Variants in KCNMA1 observed in about 807,000 individuals in gnomAD.
The protein encoded by KCNMA1 is potassium calcium-activated channel subfamily M alpha 1.
KCNMA1 carries 29 observed loss-of-function variants against 140.0 expected under a neutral mutation model. That is an observed-to-expected ratio of 0.21 (90% CI 0.15 to 0.28). KCNMA1 has a LOEUF of 0.28. Among genes scored for constraint, KCNMA1 ranks in the 10% least tolerant of loss-of-function variants. The pLI is 1.00. For synonymous variants in KCNMA1, 612 were observed against 611.9 expected (o/e 1.00, Z 0.00); for missense variants, 880 against 1,602.2 (o/e 0.55, Z 7.70).
intron 1 of KCNMA1, among the ~76,000 whole-genome samples, chr10:77,452,708 A>G (rs77312467): frequency 0.059 from 8,947 of 152,266 alleles, 307 homozygotes; most frequent in South Asian, 0.079. Flanking sequence ...ATACCCTTCT[A>G]AAAATGAGGC....
At chr10:76,969,303 A>AAGGAAGGAAGGG (rs1328600514) in intron 20 of KCNMA1, among the ~76,000 whole-genome samples, 15 of 147,788 alleles carry the variant, frequency 1.0e-4, no homozygotes, top group African/African-American at 3.7e-4. Context: ...GGAAGGAGGG[A>AAGGAAGGAAGGG]AGGAAGGAAG....
intron 1 of KCNMA1, among the ~76,000 whole-genome samples, chr10:77,595,694 C>G (rs1314150519): frequency 1.3e-5 from 2 of 152,174 alleles, no homozygotes; most frequent in Non-Finnish European, 2.9e-5. Flanking sequence ...GAGATGGACT[C>G]TCACTCTGTT....
chr10:76,972,700 T>C (rs2076402649), intron 19 of KCNMA1, among the ~76,000 whole-genome samples: 2 of 152,200 alleles, frequency 1.3e-5, no homozygotes, highest in Admixed American at 1.3e-4. Flanking sequence ...ATGAAACTTG[T>C]GTTTAAAGGT....
chr10:77,318,754 C>T (rs1412257589), intron 2 of KCNMA1, among the ~76,000 whole-genome samples: 2 of 152,106 alleles, frequency 1.3e-5, no homozygotes, highest in African/African-American at 4.8e-5. Flanking sequence ...TCACCAAGGG[C>T]CAAATGTCCC....
Position 77,240,755 on chromosome 10 carries a change from G to A in KCNMA1, c.602+10440C>T, listed in dbSNP as rs542804664. ...CAGCTGGACCTGGGAAGCCACTTCA[G>A]GTGAGGCTTCAGCTCTCATTGCAGT... On this transcript the variant is annotated intron_variant, in intron 3 of 27. Coordinates refer to ENST00000286628, the MANE Select transcript of KCNMA1 (RefSeq NM_001161352.2). Among the ~76,000 whole-genome samples the A allele has an allele frequency of 2.0e-5, 3 of 152,316 alleles. No individual in the cohort carries two copies. The South Asian group carries it at 6.2e-4, about 32-fold the overall frequency.
intron 5 of KCNMA1, among the ~76,000 whole-genome samples, chr10:77,178,926 G>A (rs1356510213): frequency 6.6e-6 from 1 of 152,196 alleles, no homozygotes; most frequent in Non-Finnish European, 1.5e-5. Flanking sequence ...ATAAGTTGGT[G>A]GGTGGGGACA....
At position 77,368,531 on chromosome 10, in the gene KCNMA1, T is replaced by C. The variant is rs202152212; in HGVS notation, c.540+35331A>G. Among the ~76,000 whole-genome samples, 4 of 152,348 alleles carry C rather than the reference T, an allele frequency of 2.6e-5. No homozygotes were observed. The East Asian group carries it at 5.8e-4, about 22-fold the overall frequency. On this transcript the variant is annotated intron_variant, in intron 2 of 27. Transcript: ENST00000286628. The stretch of plus-strand genomic sequence containing the variant: ...CATAATAGTATCTTTCACAGAATAA[T>C]AGTTTCTAATTTTGACGTGTCTAAG...
chr10:77,007,318 A>AGATGTCT (rs552517703), intron 18 of KCNMA1, among the ~76,000 whole-genome samples: 84 of 152,296 alleles, frequency 5.5e-4, no homozygotes, highest in Non-Finnish European at 1.0e-3. Context: ...GGATCTTCCA[A>AGATGTCT]GATGTCTGAC....
At chr10:76,877,998 G>A in intron 29 of KCNMA1, 4 of 1,066,184 alleles carry the variant, frequency 3.8e-6, no homozygotes, top group Middle Eastern at 2.1e-4. Flanking sequence ...AAAGGTAATC[G>A]ATAGAAGCCG....
intron 5 of KCNMA1, among the ~76,000 whole-genome samples, chr10:77,137,319 A>G (rs2154008725): frequency 6.6e-6 from 1 of 152,270 alleles, no homozygotes; most frequent in African/African-American, 2.4e-5. Flanking sequence ...TAAATCCAAA[A>G]AGCTGAAAGG....
chr10:77,163,363 T>C (rs1300996937), intron 5 of KCNMA1, among the ~76,000 whole-genome samples: 1 of 152,200 alleles, frequency 6.6e-6, no homozygotes, highest in Non-Finnish European at 1.5e-5. Context: ...ATGGTGGTGG[T>C]GGAGATCATA....
intron 1 of KCNMA1, among the ~76,000 whole-genome samples, chr10:77,504,166 C>T (rs2044940310): frequency 6.6e-6 from 1 of 152,222 alleles, no homozygotes. Flanking sequence ...TGAGCTTACA[C>T]TTCACTCACT....
chr10:77,631,942 A>C, intron 1 of KCNMA1, among the ~76,000 whole-genome samples: 1 of 152,158 alleles, frequency 6.6e-6, no homozygotes, highest in East Asian at 1.9e-4. Context: ...GGGGTTGGTG[A>C]AAAAAACCAC....
intron 2 of KCNMA1, among the ~76,000 whole-genome samples, chr10:77,308,529 T>C (rs1042499472): frequency 2.0e-5 from 3 of 152,236 alleles, no homozygotes; most frequent in African/African-American, 7.2e-5. Flanking sequence ...TTCCAGGTAA[T>C]TCCTCTAAGT....
At chr10:77,425,744 G>A (rs1177780011) in intron 1 of KCNMA1, among the ~76,000 whole-genome samples, 3 of 152,140 alleles carry the variant, frequency 2.0e-5, no homozygotes, top group African/African-American at 4.8e-5. Context: ...ATTTTTTCAG[G>A]ACCTGTCTCC....
intron 2 of KCNMA1, among the ~76,000 whole-genome samples, chr10:77,381,638 T>G (rs1333392643): frequency 6.6e-6 from 1 of 151,914 alleles, no homozygotes; most frequent in Non-Finnish European, 1.5e-5. Flanking sequence ...TTCAATGACT[T>G]TTTTTTTAAA....
At chr10:77,235,527 TC>T (rs745497119) in intron 3 of KCNMA1, among the ~76,000 whole-genome samples, 1 of 152,126 alleles carries the variant, frequency 6.6e-6, no homozygotes, top group African/African-American at 2.4e-5. Context: ...ATGCCCAAGG[TC>T]ACTCACCCAC....
intron 1 of KCNMA1, among the ~76,000 whole-genome samples, chr10:77,630,127 T>TC (rs921677423): frequency 6.6e-6 from 1 of 152,132 alleles, no homozygotes; most frequent in Non-Finnish European, 1.5e-5. Flanking sequence ...GGTTGAACCC[T>TC]CCATTTGGGA....
At chr10:77,444,905 A>G (rs1337481682) in intron 1 of KCNMA1, among the ~76,000 whole-genome samples, 8 of 152,202 alleles carry the variant, frequency 5.3e-5, no homozygotes, top group Non-Finnish European at 7.3e-5. Context: ...CCACTTGAGC[A>G]GTGAACAACA....
Sources: gnomAD v4.1 joint callset for allele counts (sites outside exome capture counted in the v4.1 genomes callset) on GRCh38, gnomAD v4.1.1 for gene constraint, MANE v1.5 for transcripts, NCBI Gene and HGNC (gene_info 2026-07-23, HGNC 2026-07-21) for gene names.